Variants in TENM2 observed in about 807,000 individuals in gnomAD.
TENM2 encodes the protein teneurin transmembrane protein 2.
A neutral mutation model predicts 245.2 loss-of-function variants in TENM2; 52 were observed. The observed-to-expected ratio is 0.21, with a 90% CI of 0.17 to 0.27. TENM2 has a LOEUF of 0.27. Among genes scored for constraint, TENM2 ranks in the 10% least tolerant of loss-of-function variants. The pLI is 1.00. For synonymous variants in TENM2, 1,363 were observed against 1,438.9 expected (o/e 0.95, Z 1.19); for missense variants, 3,046 against 3,666.8 (o/e 0.83, Z 4.37).
intron 9 of TENM2, among the ~76,000 whole-genome samples, chr5:168,104,896 C>A (rs1794122235): frequency 1.3e-5 from 2 of 152,152 alleles, no homozygotes; most frequent in Non-Finnish European, 2.9e-5. Flanking sequence ...TGTGTGTGAT[C>A]TGCCCACTGT....
intron 5 of TENM2, among the ~76,000 whole-genome samples, chr5:168,032,679 G>C (rs1451955097): frequency 6.6e-6 from 1 of 152,194 alleles, no homozygotes; most frequent in African/African-American, 2.4e-5. Context: ...CTTATGGTTT[G>C]CTTGTGTCTT....
the TENM2 span, among the ~76,000 whole-genome samples, chr5:167,134,342 A>C: frequency 6.6e-6 from 1 of 152,228 alleles, no homozygotes; most frequent in Non-Finnish European, 1.5e-5. Flanking sequence ...ATCACTTTAT[A>C]CAATGAATTT....
At position 168,012,774 on chromosome 5, in the gene TENM2, G is replaced by GAAAAAA. The variant is rs3056563; in HGVS notation, c.1186+19610_1186+19615dup. Among the ~76,000 whole-genome samples the GAAAAAA allele has an allele frequency of 4.0e-3, 300 of 74,282 alleles. 5 individuals carry two copies. The highest frequency in any genetic ancestry group is 0.015 in the African/African-American group (283 of 19,460). 48.7% of individuals were successfully genotyped at this position (74,282 alleles called of 152,430 possible). On this transcript the variant is annotated intron_variant, in intron 5 of 28. Coordinates refer to ENST00000518659, the Ensembl canonical transcript of TENM2. ...CAGCTGTAAGTTATCAAGAACAACT[G>GAAAAAA]AAAAAAAAAAAAAAAAAAAAAAACC...
chr5:167,568,984 A>T (rs1189034994), intron 2 of TENM2, among the ~76,000 whole-genome samples: 1 of 149,716 alleles, frequency 6.7e-6, no homozygotes. Flanking sequence ...TTCCTTTTCC[A>T]TGCATGGAAT....
At chr5:168,181,957 G>A (rs974602883) in intron 13 of TENM2, among the ~76,000 whole-genome samples, 14 of 152,096 alleles carry the variant, frequency 9.2e-5, no homozygotes, top group Non-Finnish European at 1.6e-4. Flanking sequence ...GATTACCGGC[G>A]TGAGCCACCG....
At chr5:167,173,990 G>A in the TENM2 span, among the ~76,000 whole-genome samples, 1 of 151,956 alleles carries the variant, frequency 6.6e-6, no homozygotes, top group Non-Finnish European at 1.5e-5. Context: ...ATAATGTAGA[G>A]AAATTCTGTT....
At chr5:167,056,894 C>G in the TENM2 span, among the ~76,000 whole-genome samples, 2 of 151,590 alleles carry the variant, frequency 1.3e-5, no homozygotes, top group Non-Finnish European at 2.9e-5. Flanking sequence ...GAGAAATCCT[C>G]AGTCATTATT....
chr5:167,744,556 A>G (rs1761423872), intron 2 of TENM2, among the ~76,000 whole-genome samples: 1 of 152,106 alleles, frequency 6.6e-6, no homozygotes, highest in Non-Finnish European at 1.5e-5. Flanking sequence ...ACTTTGGGCC[A>G]TTTTCCTCTC....
At chr5:167,771,191 C>G (rs1363732175) in intron 2 of TENM2, among the ~76,000 whole-genome samples, 1 of 151,902 alleles carries the variant, frequency 6.6e-6, no homozygotes, top group Non-Finnish European at 1.5e-5. Flanking sequence ...ATAGATTAGC[C>G]CAGCACTAAA....
chr5:167,091,414 A>G, the TENM2 span, among the ~76,000 whole-genome samples: 3 of 152,284 alleles, frequency 2.0e-5, no homozygotes, highest in East Asian at 5.8e-4. Flanking sequence ...TATAGTACAG[A>G]TAAGAAATAA....
chr5:167,414,633 A>G (rs566866393), intron 2 of TENM2, among the ~76,000 whole-genome samples: 22 of 152,200 alleles, frequency 1.4e-4, no homozygotes, highest in African/African-American at 5.3e-4. Context: ...GTGTATGAAA[A>G]TATCAGATCT....
chr5:168,161,958 T>C (rs1209141857), intron 12 of TENM2, among the ~76,000 whole-genome samples: 1 of 152,144 alleles, frequency 6.6e-6, no homozygotes, highest in Non-Finnish European at 1.5e-5. Flanking sequence ...CCAGCATCTA[T>C]CCACTCCACA....
chr5:168,122,671 A>T lies in TENM2; in HGVS notation c.2009-2179A>T, dbSNP rs1046869195. ...AACATCATCATAAATATCTCCAACT[A>T]ATAATAAGCAACCAAAATTCACCTT... On this transcript the variant is annotated intron_variant, in intron 10 of 28. Coordinates refer to ENST00000518659, the Ensembl canonical transcript of TENM2. Among the ~76,000 whole-genome samples the T allele has an allele frequency of 3.9e-5, 6 of 152,130 alleles. No homozygotes were observed. The East Asian group carries it at 7.7e-4, about 20-fold the overall frequency.
At chr5:168,090,514 C>A in intron 7 of TENM2, 60 bp from the exon 10 acceptor site, 3 of 1,431,184 alleles carry the variant, frequency 2.1e-6, no homozygotes, top group South Asian at 1.4e-5. Flanking sequence ...GGGAAGGTAC[C>A]AGGTATGGGA....
chr5:167,413,287 T>A (rs1184987951), intron 2 of TENM2, among the ~76,000 whole-genome samples: 10 of 152,122 alleles, frequency 6.6e-5, no homozygotes, highest in Non-Finnish European at 1.2e-4. Context: ...TGAAATAACA[T>A]GTAGGTCTCT....
At chr5:167,316,252 A>G (rs1196913213) in intron 1 of TENM2, among the ~76,000 whole-genome samples, 1 of 152,200 alleles carries the variant, frequency 6.6e-6, no homozygotes, top group Non-Finnish European at 1.5e-5. Flanking sequence ...CATGTAATGG[A>G]TGCATCATAA....
At chr5:167,070,374 C>A in the TENM2 span, among the ~76,000 whole-genome samples, 1 of 150,128 alleles carries the variant, frequency 6.7e-6, no homozygotes, top group African/African-American at 2.5e-5. Context: ...CATGATCCCC[C>A]CATCTTGGCC....
chr5:167,901,956 T>C (rs1775739636), intron 3 of TENM2, among the ~76,000 whole-genome samples: 1 of 152,252 alleles, frequency 6.6e-6, no homozygotes, highest in African/African-American at 2.4e-5. Flanking sequence ...CAAAATGTGA[T>C]ATTAGCATAG....
intron 2 of TENM2, among the ~76,000 whole-genome samples, chr5:167,513,623 G>A (rs923736989): frequency 2.6e-5 from 4 of 152,126 alleles, no homozygotes; most frequent in Non-Finnish European, 5.9e-5. Context: ...GAGCAGGTGC[G>A]CTTGACAGGA....
Sources: gnomAD v4.1 joint callset for allele counts (sites outside exome capture counted in the v4.1 genomes callset) on GRCh38, gnomAD v4.1.1 for gene constraint, MANE v1.5 for transcripts, NCBI Gene and HGNC (gene_info 2026-07-23, HGNC 2026-07-21) for gene names.